TENM2: variants seen among roughly 807,000 people sequenced by gnomAD.
TENM2 encodes the protein teneurin transmembrane protein 2, also known as teneurin-2.
Under a neutral mutation model 245.2 loss-of-function variants are expected in TENM2, and 52 were observed. The observed-to-expected ratio is 0.21, with a 90% confidence interval of 0.17 to 0.27. The LOEUF is 0.27. Among genes scored for constraint, TENM2 ranks in the 10% least tolerant of loss-of-function variants. The pLI is 1.00. For missense variants in TENM2, 3,046 were observed against 3,666.8 expected, an observed-to-expected ratio of 0.83 and a Z score of 4.37; for synonymous variants, 1,363 against 1,438.9, an observed-to-expected ratio of 0.95 and a Z score of 1.19.
At chr5:167,642,663 A>AAG in intron 2 of TENM2, among the ~76,000 whole-genome samples, 1 of 152,236 alleles carries the variant, frequency 6.6e-6, no homozygotes, top group Non-Finnish European at 1.5e-5. Flanking sequence ...TAAAAGACTT[A>AAG]AGAGAGAAAG....
At chr5:168,158,107 G>A (rs1253434219) in intron 12 of TENM2, among the ~76,000 whole-genome samples, 1 of 152,030 alleles carries the variant, frequency 6.6e-6, no homozygotes, top group African/African-American at 2.4e-5. Context: ...ATTTTCAGTA[G>A]ACATGAGATT....
intron 2 of TENM2, among the ~76,000 whole-genome samples, chr5:167,452,961 A>ATATATATATATATATATTT (rs1561968262): frequency 1.3e-5 from 1 of 77,090 alleles, no homozygotes; most frequent in South Asian, 4.8e-4. Context: ...ATATATATAT[A>ATATATATATATATATATTT]TTTAAAAAAA....
At chr5:167,474,552 C>T (rs570905611) in intron 2 of TENM2, among the ~76,000 whole-genome samples, 3 of 148,830 alleles carry the variant, frequency 2.0e-5, no homozygotes, top group South Asian at 2.1e-4. Context: ...CTCACTCTGT[C>T]GCCCAGGCTG....
At chr5:168,151,385 G>C (rs1287978289) in intron 12 of TENM2, among the ~76,000 whole-genome samples, 1 of 152,110 alleles carries the variant, frequency 6.6e-6, no homozygotes, top group African/African-American at 2.4e-5. Context: ...CAATTCAAGT[G>C]CAAATCAAAG....
the TENM2 span, among the ~76,000 whole-genome samples, chr5:167,034,294 G>A: frequency 1.3e-5 from 2 of 152,104 alleles, no homozygotes; most frequent in East Asian, 1.9e-4. Flanking sequence ...TCCTTCCAAT[G>A]GTCAGTAACA....
chr5:167,033,640 T>C, the TENM2 span, among the ~76,000 whole-genome samples: 1 of 152,194 alleles, frequency 6.6e-6, no homozygotes, highest in Admixed American at 6.5e-5. Context: ...GTACAGTCGC[T>C]TCCCATCTTT....
rs1330988175 is a variant in TENM2 at position 167,955,105 on chromosome 5, T to C, written c.947+2283T>C. On this transcript the variant is annotated intron_variant, in intron 4 of 28. Coordinates refer to ENST00000518659, the Ensembl canonical transcript of TENM2. ...ACCAACAGTGTAAAAGCATTCCTAT[T>C]TCTCCACATCCTCTCCAGCATCTGT... Among the ~76,000 whole-genome samples the C allele has an allele frequency of 1.3e-5, 2 of 152,216 alleles. 1 individual carries two copies. The highest frequency in any genetic ancestry group is 4.8e-5 in the African/African-American group (2 of 41,438).
At chr5:167,107,268 G>T in the TENM2 span, among the ~76,000 whole-genome samples, 1 of 150,028 alleles carries the variant, frequency 6.7e-6, no homozygotes, top group Non-Finnish European at 1.5e-5. Context: ...GTGAAAGAAA[G>T]AAAGAAGGAA....
intron 6 of TENM2, among the ~76,000 whole-genome samples, chr5:168,059,471 T>C (rs1053568681): frequency 3.4e-4 from 51 of 152,224 alleles, no homozygotes; most frequent in African/African-American, 1.2e-3. Context: ...GTTTTCTTTT[T>C]TTATTTATAA....
At chr5:167,308,261 C>T (rs143886493) in intron 1 of TENM2, among the ~76,000 whole-genome samples, 4 of 152,214 alleles carry the variant, frequency 2.6e-5, no homozygotes, top group East Asian at 1.9e-4. Flanking sequence ...ATCCTGATCA[C>T]GGTGAGCCAT....
In TENM2 at chr5:167,552,166, G is replaced by A. The variant is rs182213077; in HGVS notation, c.502+176693G>A. The stretch of plus-strand genomic sequence containing the variant: ...CACAAATGAATGAGCTAGGCAAGGC[G>A]GCAAAATTCTTGGTCCACTTGTACC... On this transcript the variant is annotated intron_variant, in intron 2 of 28. Transcript: ENST00000518659. 9.6e-4 allele frequency among the ~76,000 whole-genome samples: 146 copies of A among 152,232 alleles called. 1 individual carries two copies. The East Asian group carries it at 0.01, about 11-fold the overall frequency.
chr5:167,028,988 T>C, the TENM2 span, among the ~76,000 whole-genome samples: 1 of 152,240 alleles, frequency 6.6e-6, no homozygotes, highest in Non-Finnish European at 1.5e-5. Context: ...TTGCATTTTA[T>C]TAAGGTTTTC....
chr5:167,369,915 C>T (rs1193374712), intron 1 of TENM2, among the ~76,000 whole-genome samples: 1 of 152,056 alleles, frequency 6.6e-6, no homozygotes, highest in Non-Finnish European at 1.5e-5. Context: ...AAGGTTATTT[C>T]AAAGTTGGTA....
chr5:167,018,518 C>G, the TENM2 span, among the ~76,000 whole-genome samples: 25 of 152,048 alleles, frequency 1.6e-4, no homozygotes, highest in Non-Finnish European at 2.8e-4. Context: ...TCCTTTGCTT[C>G]TGCTAAGAAC....
chr5:167,546,808 C>T (rs753331888), intron 2 of TENM2, among the ~76,000 whole-genome samples: 6 of 152,152 alleles, frequency 3.9e-5, no homozygotes, highest in African/African-American at 7.2e-5. Context: ...AAACTAACCT[C>T]TCGGTCAACT....
At chr5:167,288,114 C>G (rs1754399988) in intron 1 of TENM2, among the ~76,000 whole-genome samples, 1 of 152,098 alleles carries the variant, frequency 6.6e-6, no homozygotes, top group Non-Finnish European at 1.5e-5. Context: ...ACAAGACATT[C>G]TCCTGGGGCT....
At chr5:167,050,042 G>T in the TENM2 span, among the ~76,000 whole-genome samples, 1 of 152,300 alleles carries the variant, frequency 6.6e-6, no homozygotes, top group South Asian at 2.1e-4. Flanking sequence ...AGGCTGAAGA[G>T]TCAGCTGCCA....
At chr5:168,262,514 C>T (rs1323852231) in exon 29 of TENM2, 2 of 1,556,304 alleles carry the variant, frequency 1.3e-6, no homozygotes, top group Non-Finnish European at 1.7e-6. Flanking sequence ...CACGCTGCTG[C>T]TCAGCATCCG....
intron 4 of TENM2, among the ~76,000 whole-genome samples, chr5:167,990,071 C>A (rs925317094): frequency 1.3e-5 from 2 of 152,146 alleles, no homozygotes; most frequent in Non-Finnish European, 2.9e-5. Flanking sequence ...CCTTACAATG[C>A]CTTTACGTTC....
Sources: allele counts gnomAD v4.1 joint callset (sites outside exome capture counted in the v4.1 genomes callset), GRCh38; gene constraint gnomAD v4.1.1; transcripts MANE v1.5; gene names NCBI Gene and HGNC (gene_info 2026-07-23, HGNC 2026-07-21).